The following SMOC2 variants were observed in gnomAD, a reference collection of about 807,000 sequenced individuals.
SMOC2 encodes the protein SPARC related modular calcium binding 2, also known as SPARC-related modular calcium-binding protein 2.
SMOC2 carries 39 observed loss-of-function variants against 61.4 expected under a neutral mutation model. That is an observed-to-expected ratio of 0.64 (90% CI 0.49 to 0.83). SMOC2 has a LOEUF of 0.83. Among genes scored for constraint, SMOC2 ranks in the 40% least tolerant of loss-of-function variants. SMOC2 has a pLI of 0.00. For synonymous variants in SMOC2, 247 were observed against 239.9 expected (o/e 1.03, Z -0.27); for missense variants, 556 against 592.9 (o/e 0.94, Z 0.65).
At chr6:168,528,462 T>C (rs1283306914) in intron 4 of SMOC2, among the ~76,000 whole-genome samples, 2 of 152,258 alleles carry the variant, frequency 1.3e-5, no homozygotes, top group South Asian at 2.1e-4. Flanking sequence ...AAAGCAATAA[T>C]AAACTACAAA....
chr6:168,634,047 GA>G (rs1296999730), intron 9 of SMOC2, among the ~76,000 whole-genome samples: 3 of 152,202 alleles, frequency 2.0e-5, no homozygotes, highest in Non-Finnish European at 4.4e-5. Context: ...CTTCTGCCAT[GA>G]TTGTAAGTTT....
At position 168,509,936 on chromosome 6, in the gene SMOC2, A is replaced by G. The variant is rs1782965663; in HGVS notation, c.106A>G (p.Lys36Glu). The change falls in exon 2 of 13, where the codon AAA becomes GAA. Residue 36 changes from lysine (K) to glutamate (E), a missense_variant. Physicochemically the swap from Lys to Glu is moderately conservative, Grantham distance 56. Transcript: ENST00000356284. The stretch of plus-strand genomic sequence containing the variant: ...TAAGTTTTTGAGAGTGGATCAAGAT[A>G]AAGACAAGGATTGTAGCTTGGACTG... ...ALTFLRVDQD[K>E]DKDCSLDCAG... 1 of 1,604,540 alleles carries G rather than the reference A, an allele frequency of 6.2e-7. No homozygotes were observed. The highest frequency in any genetic ancestry group is 8.5e-7 in the Non-Finnish European group (1 of 1,173,254).
rs535665497 is a variant in SMOC2 at position 168,485,743 on chromosome 6, T to C, written c.85-24172T>C. On this transcript the variant is annotated intron_variant, in intron 1 of 12. Transcript: ENST00000356284. ...GGAGATGATGAAAAAAATTTTAATA[T>C]CGATTGTGTTAATAGTGTTGTGGAA... Among the ~76,000 whole-genome samples the C allele has an allele frequency of 2.6e-5, 4 of 152,224 alleles. No homozygotes were observed. The South Asian group carries it at 8.3e-4, about 32-fold the overall frequency.
intron 9 of SMOC2, among the ~76,000 whole-genome samples, chr6:168,625,583 A>C (rs1786385611): frequency 3.9e-5 from 6 of 152,234 alleles, no homozygotes; most frequent in Admixed American, 3.9e-4. Flanking sequence ...GCTCAAATCC[A>C]GGGAGCAAAC....
intron 9 of SMOC2, among the ~76,000 whole-genome samples, chr6:168,621,035 A>G (rs115236094): frequency 0.015 from 2,301 of 150,012 alleles, 53 homozygotes; most frequent in African/African-American, 0.055. Context: ...GGAAACCCCT[A>G]GGATGTTTTC....
At chr6:168,624,971 A>C in intron 9 of SMOC2, among the ~76,000 whole-genome samples, 1 of 152,186 alleles carries the variant, frequency 6.6e-6, no homozygotes, top group South Asian at 2.1e-4. Context: ...AGACACATGC[A>C]CACCACCACC....
chr6:168,499,737 C>T (rs767655226), intron 1 of SMOC2, among the ~76,000 whole-genome samples: 5 of 152,140 alleles, frequency 3.3e-5, no homozygotes, highest in African/African-American at 4.8e-5. Context: ...ACTGGGAGCC[C>T]GTGAGGAGCT....
chr6:168,585,922 A>G (rs969159542), intron 7 of SMOC2, among the ~76,000 whole-genome samples: 2 of 151,924 alleles, frequency 1.3e-5, no homozygotes, highest in African/African-American at 4.8e-5. Context: ...TATATTAGGG[A>G]TCTCTTCTCC....
intron 11 of SMOC2, among the ~76,000 whole-genome samples, chr6:168,660,951 C>T (rs753409837): frequency 1.3e-5 from 2 of 152,198 alleles, no homozygotes; most frequent in African/African-American, 2.4e-5. Flanking sequence ...TGATATGTCT[C>T]ATTTTTACTG....
chr6:168,640,997 T>G (rs1786878966), intron 9 of SMOC2, among the ~76,000 whole-genome samples: 1 of 152,198 alleles, frequency 6.6e-6, no homozygotes, highest in South Asian at 2.1e-4. Context: ...AAGTCATTCC[T>G]AAGAACGACT....
rs545226321 is a variant in SMOC2, at chr6:168,547,494, C to T, written c.562+325C>T. Among the ~76,000 whole-genome samples, 11 of 152,002 alleles carry T rather than the reference C, an allele frequency of 7.2e-5. No individual in the cohort carries two copies. The South Asian group carries it at 1.2e-3, about 17-fold the overall frequency. On this transcript the variant is annotated intron_variant, in intron 6 of 12. Coordinates refer to ENST00000356284, the MANE Select transcript of SMOC2 (RefSeq NM_001166412.2). ...CGTGGGATGGACAAGTCCACACATC[C>T]GGCGTACAGCACGAGGAATCTAGTT... is the stretch of plus-strand genomic sequence containing the variant.
chr6:168,659,706 G>C (rs76223333), intron 11 of SMOC2, among the ~76,000 whole-genome samples: 2 of 64,152 alleles, frequency 3.1e-5, no homozygotes, highest in Non-Finnish European at 6.6e-5. Flanking sequence ...GAGGGTGGAG[G>C]TTGTAGGCTG....
rs559113132 is a variant in SMOC2, at chr6:168,577,715, C to G, written c.638-21103C>G. Among the ~76,000 whole-genome samples the G allele has an allele frequency of 2.6e-5, 4 of 152,176 alleles. No homozygotes were observed. In the South Asian group the frequency reaches 8.3e-4, roughly 32 times the overall value. On this transcript the variant is annotated intron_variant, in intron 7 of 12. Transcript: ENST00000356284. ...GCATGAGGGTCACGCACTTTCGAAT[C>G]TGGTTTAGAGACAGGACCCTGCAGT...
intron 9 of SMOC2, among the ~76,000 whole-genome samples, chr6:168,631,981 G>C (rs1042397521): frequency 2.0e-5 from 3 of 152,212 alleles, no homozygotes; most frequent in African/African-American, 7.2e-5. Context: ...AGCAGACCCT[G>C]CATTCCACAT....
intron 9 of SMOC2, among the ~76,000 whole-genome samples, chr6:168,625,347 C>T (rs186142295): frequency 6.6e-6 from 1 of 152,282 alleles, no homozygotes; most frequent in African/African-American, 2.4e-5. Flanking sequence ...ACAGCAGCTT[C>T]GATGTGGGAA....
At chr6:168,480,660 G>C (rs1782185514) in intron 1 of SMOC2, among the ~76,000 whole-genome samples, 1 of 152,084 alleles carries the variant, frequency 6.6e-6, no homozygotes, top group Non-Finnish European at 1.5e-5. Flanking sequence ...ACATGTTATG[G>C]GAGTCCCAGA....
At chr6:168,528,901 T>A (rs62424685) in intron 4 of SMOC2, among the ~76,000 whole-genome samples, 16,696 of 152,258 alleles carry the variant, frequency 0.11, 1,082 homozygotes, top group South Asian at 0.18. Context: ...TGTGTGTCCC[T>A]CTTTGACTTT....
chr6:168,549,253 GA>G (rs765218256), intron 7 of SMOC2, 50 bp downstream of exon 7: 25 of 1,555,012 alleles, frequency 1.6e-5, no homozygotes, highest in Non-Finnish European at 2.1e-5. Flanking sequence ...AATAGATCTA[GA>G]AAATGATGGG....
chr6:168,606,186 C>G (rs1417160990), intron 8 of SMOC2, among the ~76,000 whole-genome samples: 1 of 152,176 alleles, frequency 6.6e-6, no homozygotes, highest in East Asian at 1.9e-4. Context: ...GCCGCAGCAG[C>G]AGCTGCATTA....
Sources: allele counts gnomAD v4.1 joint callset (sites outside exome capture counted in the v4.1 genomes callset), GRCh38; gene constraint gnomAD v4.1.1; transcripts MANE v1.5; gene names NCBI Gene and HGNC (gene_info 2026-07-23, HGNC 2026-07-21).